PABPC4L: variants seen among roughly 807,000 people sequenced by gnomAD.
PABPC4L encodes the protein poly(A) binding protein cytoplasmic 4 like, also known as polyadenylate-binding protein 4-like.
For missense variants in PABPC4L, 452 were observed against 451.4 expected, an observed-to-expected ratio of 1.00 and a Z score of -0.01; for synonymous variants, 169 against 164.1, an observed-to-expected ratio of 1.03 and a Z score of -0.23.
chr4:134,185,376 G>T, the PABPC4L span, among the ~76,000 whole-genome samples: 2 of 152,054 alleles, frequency 1.3e-5, no homozygotes, highest in Admixed American at 6.6e-5. Flanking sequence ...TGCAAGGCTG[G>T]TTCAACATAG....
chr4:133,950,062 C>A, the PABPC4L span, among the ~76,000 whole-genome samples: 8 of 152,154 alleles, frequency 5.3e-5, no homozygotes, highest in African/African-American at 1.9e-4. Context: ...TTCTCTCTAG[C>A]TTTCCAGAGG....
At chr4:134,070,438 C>T in the PABPC4L span, among the ~76,000 whole-genome samples, 2 of 152,088 alleles carry the variant, frequency 1.3e-5, no homozygotes, top group African/African-American at 2.4e-5. Context: ...AGGCTGTTGG[C>T]CTCCTTGTGT....
At chr4:134,185,511 A>G in the PABPC4L span, among the ~76,000 whole-genome samples, 2 of 152,274 alleles carry the variant, frequency 1.3e-5, no homozygotes, top group South Asian at 4.1e-4. Flanking sequence ...AACTCTCAAT[A>G]AACTAGGTAT....
At chr4:134,160,416 C>T in the PABPC4L span, among the ~76,000 whole-genome samples, 1 of 152,096 alleles carries the variant, frequency 6.6e-6, no homozygotes, top group Non-Finnish European at 1.5e-5. Flanking sequence ...GCTTAAGACA[C>T]TCCCCCGTGC....
At chr4:134,114,773 T>A in the PABPC4L span, among the ~76,000 whole-genome samples, 2 of 151,874 alleles carry the variant, frequency 1.3e-5, no homozygotes, top group African/African-American at 4.8e-5. Flanking sequence ...CGTTAAAAAA[T>A]TTAAAACTAT....
chr4:134,065,383 G>A, the PABPC4L span, among the ~76,000 whole-genome samples: 2 of 151,920 alleles, frequency 1.3e-5, no homozygotes, highest in Admixed American at 6.6e-5. Flanking sequence ...TTGGCTGTAC[G>A]TATGTCTTCT....
the PABPC4L span, among the ~76,000 whole-genome samples, chr4:134,099,783 A>G: frequency 6.6e-6 from 1 of 151,612 alleles, no homozygotes; most frequent in Non-Finnish European, 1.5e-5. Context: ...GGGGAAAAAA[A>G]GATAATGGAT....
the PABPC4L span, among the ~76,000 whole-genome samples, chr4:134,025,305 CAA>C: frequency 4.1e-3 from 186 of 45,640 alleles, no homozygotes; most frequent in African/African-American, 6.2e-3. Flanking sequence ...GAATTCATCT[CAA>C]AAAAAAAAAA....
At chr4:134,060,605 G>GA in the PABPC4L span, among the ~76,000 whole-genome samples, 2 of 151,792 alleles carry the variant, frequency 1.3e-5, no homozygotes. Flanking sequence ...CACCAGAAGG[G>GA]AACTTGCTGT....
At chr4:134,068,867 C>T in the PABPC4L span, among the ~76,000 whole-genome samples, 1 of 152,020 alleles carries the variant, frequency 6.6e-6, no homozygotes, top group Non-Finnish European at 1.5e-5. Flanking sequence ...CACCACCACT[C>T]CTGGCTACCT....
At chr4:134,121,384 C>T in the PABPC4L span, among the ~76,000 whole-genome samples, 5 of 151,380 alleles carry the variant, frequency 3.3e-5, no homozygotes, top group East Asian at 1.9e-4. Context: ...TAAGTTATAG[C>T]GATTCTGAAT....
chr4:134,030,236 GTAAC>G, the PABPC4L span, among the ~76,000 whole-genome samples: 1 of 152,046 alleles, frequency 6.6e-6, no homozygotes, highest in East Asian at 1.9e-4. Flanking sequence ...TTGGAACTGG[GTAAC>G]AGGCAGAGGC....
chr4:134,129,716 C>A, the PABPC4L span, among the ~76,000 whole-genome samples: 1 of 151,052 alleles, frequency 6.6e-6, no homozygotes, highest in African/African-American at 2.4e-5. Flanking sequence ...CTATCAAAAC[C>A]TCTGGGATAC....
chr4:134,100,433 C>T, the PABPC4L span, among the ~76,000 whole-genome samples: 10 of 151,472 alleles, frequency 6.6e-5, no homozygotes, highest in Admixed American at 4.0e-4. Context: ...TTGCATTTTC[C>T]TTGAATCCCT....
chr4:134,134,525 T>C, the PABPC4L span, among the ~76,000 whole-genome samples: 1 of 151,762 alleles, frequency 6.6e-6, no homozygotes, highest in Non-Finnish European at 1.5e-5. Flanking sequence ...TTAAATAAAA[T>C]CTTAAGTCAA....
At chr4:134,008,640 G>T in the PABPC4L span, among the ~76,000 whole-genome samples, 1 of 151,740 alleles carries the variant, frequency 6.6e-6, no homozygotes, top group Non-Finnish European at 1.5e-5. Context: ...TAAATACGGA[G>T]ATATAGTGAG....
At chr4:134,090,628 G>A in the PABPC4L span, among the ~76,000 whole-genome samples, 1 of 151,836 alleles carries the variant, frequency 6.6e-6, no homozygotes, top group East Asian at 1.9e-4. Flanking sequence ...AACCAAGTCT[G>A]GTGGCATACC....
the PABPC4L span, among the ~76,000 whole-genome samples, chr4:134,167,261 C>G: frequency 4.7e-3 from 710 of 152,166 alleles, 5 homozygotes; most frequent in Middle Eastern, 0.031. Context: ...AAATATGCCA[C>G]TCTAGTGGGG....
chr4:134,100,531 G>A, the PABPC4L span, among the ~76,000 whole-genome samples: 16 of 151,738 alleles, frequency 1.1e-4, no homozygotes, highest in Admixed American at 9.2e-4. Flanking sequence ...CGTGTGCTGA[G>A]TGCATGAATA....
Sources: allele counts gnomAD v4.1 joint callset (sites outside exome capture counted in the v4.1 genomes callset), GRCh38; gene constraint gnomAD v4.1.1; transcripts MANE v1.5; gene names NCBI Gene and HGNC (gene_info 2026-07-23, HGNC 2026-07-21).